NFATC1: variants seen among roughly 807,000 people sequenced by gnomAD.
The protein encoded by NFATC1 is nuclear factor of activated T cells 1.
A neutral mutation model predicts 76.0 loss-of-function variants in NFATC1; 22 were observed. The observed-to-expected ratio is 0.29, with a 90% CI of 0.21 to 0.41. The LOEUF (loss-of-function observed/expected upper bound fraction) is 0.41. Ranked by LOEUF, NFATC1 falls within the 10% of genes least tolerant of loss-of-function variation. The pLI, the probability that NFATC1 is intolerant of heterozygous loss-of-function variation, is 1.00. For missense variants in NFATC1, 1,357 were observed against 1,337.7 expected, an observed-to-expected ratio of 1.01 and a Z score of -0.23; for synonymous variants, 704 against 613.1, an observed-to-expected ratio of 1.15 and a Z score of -2.19.
intron 1 of NFATC1, among the ~76,000 whole-genome samples, chr18:79,401,340 T>A (rs1293499314): frequency 1.3e-5 from 2 of 152,108 alleles, no homozygotes; most frequent in Non-Finnish European, 2.9e-5. Context: ...ATTTTCCGTA[T>A]CGTTCACTAC....
chr18:79,478,817 G>A (rs1237281457), intron 8 of NFATC1, among the ~76,000 whole-genome samples: 2 of 152,204 alleles, frequency 1.3e-5, no homozygotes, highest in South Asian at 2.1e-4. Flanking sequence ...ACTCTGCAGC[G>A]GCATCAGAGA....
chr18:79,416,492 G>C (rs1446113170), intron 2 of NFATC1, among the ~76,000 whole-genome samples: 1 of 108,184 alleles, frequency 9.2e-6, no homozygotes. Flanking sequence ...GGGCGCTGGT[G>C]GGCCCTTTGG....
At chr18:79,514,019 C>T (rs8089152) in intron 9 of NFATC1, among the ~76,000 whole-genome samples, 9,177 of 152,222 alleles carry the variant, frequency 0.06, 398 homozygotes, top group Admixed American at 0.096. Context: ...TGAGCGTGGA[C>T]GTGCGTGGGG....
At chr18:79,478,621 T>C (rs890689695) in intron 8 of NFATC1, among the ~76,000 whole-genome samples, 1 of 152,214 alleles carries the variant, frequency 6.6e-6, no homozygotes, top group African/African-American at 2.4e-5. Flanking sequence ...CGAATGCTCT[T>C]TGGCTGACGA....
intron 2 of NFATC1, among the ~76,000 whole-genome samples, chr18:79,419,920 C>T (rs1364618069): frequency 6.6e-6 from 1 of 152,192 alleles, no homozygotes; most frequent in Non-Finnish European, 1.5e-5. Context: ...TTTTTGGATT[C>T]TTGAGCAAAA....
Position 79,396,223 on chromosome 18 carries a change from G to A in NFATC1, c.-2G>A. The A allele has an allele frequency of 6.7e-7, 1 of 1,484,220 alleles. No individual in the cohort carries two copies. The highest frequency in any genetic ancestry group is 9.0e-7 in the Non-Finnish European group (1 of 1,109,164). The allele number at this position is 1,484,220 out of a possible 1,614,324, so 91.9% of individuals were successfully genotyped here. A position where few individuals can be genotyped will look rare whatever the true frequency, so the allele number is the denominator to read the frequency against. ...GCTCCACTCCCCGCCGCCGCCGCGC[G>A]GATGCCAAGCACCAGCTTTCCAGTC... On this transcript the variant is annotated 5_prime_UTR_variant, in exon 1 of 10. Coordinates refer to ENST00000427363, the MANE Select transcript of NFATC1 (RefSeq NM_001278669.2).
At chr18:79,396,438 C>T (rs1473726527) in intron 1 of NFATC1, 87 bp downstream of exon 1, 13 of 900,886 alleles carry the variant, frequency 1.4e-5, no homozygotes, top group Non-Finnish European at 1.8e-5. Flanking sequence ...GTCGCCCGCA[C>T]GGAGGGGTCC....
intron 2 of NFATC1, among the ~76,000 whole-genome samples, chr18:79,418,354 C>G (rs1433833456): frequency 1.3e-5 from 2 of 151,942 alleles, no homozygotes; most frequent in Admixed American, 6.5e-5. Context: ...GAACTGGACT[C>G]TGCCATGATG....
chr18:79,512,198 ACCCCAGGACACGGCCTCG>A (rs1225786005), intron 9 of NFATC1, among the ~76,000 whole-genome samples: 6 of 151,570 alleles, frequency 4.0e-5, no homozygotes, highest in East Asian at 3.9e-4. Context: ...ACACGGCCTC[ACCCCAGGACACGGCCTCG>A]CCCCAGGACA....
intron 6 of NFATC1, among the ~76,000 whole-genome samples, chr18:79,455,284 G>A (rs968426186): frequency 2.0e-5 from 3 of 152,234 alleles, no homozygotes; most frequent in Admixed American, 6.5e-5. Flanking sequence ...CAGCGATCGC[G>A]CAGCGGGCAG....
chr18:79,457,647 C>T (rs955366322), intron 6 of NFATC1, among the ~76,000 whole-genome samples: 1 of 152,226 alleles, frequency 6.6e-6, no homozygotes, highest in Non-Finnish European at 1.5e-5. Context: ...ATGCGGCCAC[C>T]ACCAATTTCA....
At chr18:79,504,371 G>A (rs553738973) in intron 9 of NFATC1, among the ~76,000 whole-genome samples, 2 of 152,324 alleles carry the variant, frequency 1.3e-5, no homozygotes, top group African/African-American at 2.4e-5. Context: ...GTATGGTTGT[G>A]TCTCAGGGAA....
chr18:79,429,581 A>G (rs1043059615), intron 2 of NFATC1, among the ~76,000 whole-genome samples: 1 of 152,110 alleles, frequency 6.6e-6, no homozygotes, highest in Non-Finnish European at 1.5e-5. Flanking sequence ...AGAAGGAAGC[A>G]CGCGGAGTGG....
chr18:79,400,199 A>T, intron 1 of NFATC1: 1 of 1,149,132 alleles, frequency 8.7e-7, no homozygotes, highest in Non-Finnish European at 1.1e-6. Flanking sequence ...GAGTTTATTT[A>T]AAACTCGGAA....
chr18:79,428,042 G>A (rs1389901113), intron 2 of NFATC1, among the ~76,000 whole-genome samples: 4 of 146,604 alleles, frequency 2.7e-5, no homozygotes, highest in Non-Finnish European at 6.0e-5. Context: ...GTGGGGGCAG[G>A]CGCTGGATGA....
chr18:79,396,093 C>T lies in NFATC1; in HGVS notation c.-132C>T. The stretch of plus-strand genomic sequence containing the variant: ...CACGCGCGCACACGCCCCTCGATGA[C>T]TTTCCTCCGGGGCGCGCGGCGCTGA... On this transcript the variant is annotated 5_prime_UTR_variant, in exon 1 of 10. Coordinates refer to ENST00000427363, the MANE Select transcript of NFATC1 (RefSeq NM_001278669.2). 1 of 1,128,246 alleles carries T rather than the reference C, an allele frequency of 8.9e-7. No individual in the cohort carries two copies. Among genetic ancestry groups the T allele is most frequent in the East Asian group, 4.3e-5 (1 of 23,422 alleles). 69.9% of individuals were successfully genotyped at this position (1,128,246 alleles called of 1,614,324 possible).
At chr18:79,424,610 T>G (rs2086220375) in intron 2 of NFATC1, among the ~76,000 whole-genome samples, 1 of 151,162 alleles carries the variant, frequency 6.6e-6, no homozygotes. Context: ...TGTCTCTCCG[T>G]CTGTCTCTCT....
chr18:79,498,184 A>G (rs903622852), intron 9 of NFATC1: 3 of 152,234 alleles, frequency 2.0e-5, no homozygotes, highest in African/African-American at 7.2e-5. Context: ...ATCCACAGGA[A>G]GAAAAATCTG....
At position 79,448,815 on chromosome 18, in the gene NFATC1, C is replaced by G. The variant is rs2087329026; in HGVS notation, c.1420C>G (p.Leu474Val). The change falls in exon 4 of 10, where the codon CTG (leucine) becomes GTG (valine). Residue 474 changes from leucine to valine, a missense_variant. Physicochemically the swap from Leu to Val is conservative, Grantham distance 32 (BLOSUM62 1). Around this residue, in one of 3 missense-constraint regions of NFATC1, gnomAD observed 242 missense variants for 329.2 expected, o/e 0.74. Coordinates refer to ENST00000427363, the MANE Select transcript of NFATC1 (RefSeq NM_001278669.2). ...HGYLENEPLMLQLFIGTADDR... is the reference protein window; with the variant it reads ...HGYLENEPLMVQLFIGTADDR... ...CTACTTGGAGAATGAGCCGCTGATG[C>G]TGCAGCTTTTCATTGGGACGGCGGA... The G allele has an allele frequency of 4.3e-6, 7 of 1,613,816 alleles. No individual in the cohort carries two copies. The highest frequency in any genetic ancestry group is 4.0e-5 in the African/African-American group (3 of 74,950).
Sources: allele counts gnomAD v4.1 joint callset (sites outside exome capture counted in the v4.1 genomes callset), GRCh38; gene constraint gnomAD v4.1.1; regional missense constraint gnomAD v4.1.1; transcripts MANE v1.5; gene names NCBI Gene and HGNC (gene_info 2026-07-23, HGNC 2026-07-21).